The following ITFG1 variants were observed in gnomAD, a reference collection of about 807,000 sequenced individuals.
The protein encoded by ITFG1 is T-cell immunomodulatory protein.
Under a neutral mutation model 81.8 loss-of-function variants are expected in ITFG1, and 34 were observed. That is an observed-to-expected ratio of 0.42 (90% CI 0.32 to 0.55). ITFG1 has a LOEUF of 0.55. Among genes scored for constraint, ITFG1 ranks in the 20% least tolerant of loss-of-function variants. ITFG1 has a pLI of 0.17. For synonymous variants in ITFG1, 285 were observed against 270.6 expected (o/e 1.05, Z -0.52); for missense variants, 672 against 755.4 (o/e 0.89, Z 1.29).
intron 5 of ITFG1, among the ~76,000 whole-genome samples, chr16:47,443,590 C>G (rs1420511569): frequency 2.0e-5 from 3 of 152,106 alleles, no homozygotes; most frequent in Non-Finnish European, 4.4e-5. Flanking sequence ...GAGTTCATGT[C>G]CTTTGTGGGG....
intron 12 of ITFG1, among the ~76,000 whole-genome samples, chr16:47,247,949 T>C (rs1490403850): frequency 6.6e-6 from 1 of 152,208 alleles, no homozygotes; most frequent in African/African-American, 2.4e-5. Context: ...ATCCTCTCAA[T>C]GTCAGAAATG....
At chr16:47,378,860 A>C (rs1968360314) in intron 6 of ITFG1, among the ~76,000 whole-genome samples, 1 of 152,222 alleles carries the variant, frequency 6.6e-6, no homozygotes, top group Non-Finnish European at 1.5e-5. Context: ...TTAATCAATG[A>C]AGCAATAAAG....
At position 47,258,744 on chromosome 16, in the gene ITFG1, G is replaced by A; in HGVS notation, c.1222-4C>T. On this transcript the variant is annotated splice_region_variant and splice_polypyrimidine_tract_variant and intron_variant, in intron 11 of 17. Transcript: ENST00000320640. ...GCACTACAATGTCCAAGATTCCCTG[G>A]AAAAAAACAAACAAAAATGGTAAGA... 1.4e-6 allele frequency: 2 copies of A among 1,386,618 alleles called. No individual in the cohort carries two copies. The highest frequency in any genetic ancestry group is 9.7e-7 in the Non-Finnish European group (1 of 1,030,288). The allele number at this position is 1,386,618 out of a possible 1,614,324, so 85.9% of individuals were successfully genotyped here. A position where few individuals can be genotyped will look rare whatever the true frequency, so the allele number is the denominator to read the frequency against.
chr16:47,324,019 AAT>A (rs1438948072), intron 8 of ITFG1, among the ~76,000 whole-genome samples: 1 of 152,198 alleles, frequency 6.6e-6, no homozygotes, highest in Non-Finnish European at 1.5e-5. Context: ...ACCAAAAATA[AAT>A]ATGTGTATAT....
chr16:47,367,706 C>T (rs1335968938), intron 7 of ITFG1, among the ~76,000 whole-genome samples: 2 of 152,196 alleles, frequency 1.3e-5, no homozygotes, highest in African/African-American at 4.8e-5. Context: ...TTTCATGTGA[C>T]AAGCAATGTT....
At chr16:47,406,773 T>C (rs887835877) in intron 6 of ITFG1, among the ~76,000 whole-genome samples, 1 of 152,168 alleles carries the variant, frequency 6.6e-6, no homozygotes. Context: ...GTTTGAAAGT[T>C]GTGATTTTGA....
At chr16:47,404,277 T>A (rs1968700672) in intron 6 of ITFG1, among the ~76,000 whole-genome samples, 2 of 152,112 alleles carry the variant, frequency 1.3e-5, no homozygotes, top group South Asian at 4.1e-4. Flanking sequence ...CTTGATAAGT[T>A]AAAAGAAATA....
At chr16:47,401,490 T>C (rs1168005047) in intron 6 of ITFG1, among the ~76,000 whole-genome samples, 1 of 152,070 alleles carries the variant, frequency 6.6e-6, no homozygotes, top group Non-Finnish European at 1.5e-5. Flanking sequence ...TACCCACACT[T>C]ATGGGACATT....
intron 5 of ITFG1, among the ~76,000 whole-genome samples, chr16:47,436,364 TA>T (rs1042006758): frequency 6.6e-6 from 1 of 152,166 alleles, no homozygotes; most frequent in Admixed American, 6.5e-5. Flanking sequence ...TCTCAGCGTT[TA>T]AAAAAACTCC....
Position 47,181,470 on chromosome 16 carries a change from G to A in ITFG1, c.1454-18806C>T, listed in dbSNP as rs533707376. 1.7e-3 allele frequency among the ~76,000 whole-genome samples: 202 copies of A among 119,326 alleles called. 1 individual carries two copies. In the Middle Eastern group the frequency reaches 0.03, roughly 18 times the overall value. 78.3% of individuals were successfully genotyped at this position (119,326 alleles called of 152,430 possible). ...GGAGGTGGGGGGGGTCAGCCCCCCCGCCCGGCCAGCCGCCCCGTCCGGGAG... is the reference window on the plus strand; with the variant it reads ...GGAGGTGGGGGGGGTCAGCCCCCCCACCCGGCCAGCCGCCCCGTCCGGGAG... On this transcript the variant is annotated intron_variant, in intron 14 of 17. Coordinates refer to ENST00000320640, the MANE Select transcript of ITFG1 (RefSeq NM_030790.5).
chr16:47,334,981 A>G (rs1008755183), intron 8 of ITFG1, among the ~76,000 whole-genome samples: 4 of 152,236 alleles, frequency 2.6e-5, no homozygotes, highest in African/African-American at 9.6e-5. Context: ...GAATTCTTAG[A>G]TATGACATGA....
At chr16:47,179,346 G>C (rs1314631990) in intron 14 of ITFG1, among the ~76,000 whole-genome samples, 1 of 152,218 alleles carries the variant, frequency 6.6e-6, no homozygotes, top group African/African-American at 2.4e-5. Flanking sequence ...ATCAATGATA[G>C]ATTGGATTAA....
At chr16:47,202,914 G>A (rs865939533) in intron 14 of ITFG1, among the ~76,000 whole-genome samples, 5 of 152,256 alleles carry the variant, frequency 3.3e-5, no homozygotes, top group African/African-American at 9.6e-5. Context: ...ATAAAATGGT[G>A]TGTAGACCCA....
intron 6 of ITFG1, among the ~76,000 whole-genome samples, chr16:47,410,309 A>T (rs535366063): frequency 2.0e-5 from 3 of 152,244 alleles, no homozygotes; most frequent in South Asian, 2.1e-4. Flanking sequence ...AAAAATGGGC[A>T]AAGTATGTAG....
intron 13 of ITFG1, among the ~76,000 whole-genome samples, chr16:47,224,628 C>T (rs908758505): frequency 2.0e-5 from 3 of 151,714 alleles, no homozygotes; most frequent in Non-Finnish European, 4.4e-5. Flanking sequence ...CTGGAGTTGA[C>T]GTATAGTTAA....
chr16:47,435,599 C>T (rs1418336167), intron 5 of ITFG1, among the ~76,000 whole-genome samples: 1 of 152,220 alleles, frequency 6.6e-6, no homozygotes, highest in Non-Finnish European at 1.5e-5. Flanking sequence ...AACTGTTCTT[C>T]ATATGACTGC....
intron 5 of ITFG1, among the ~76,000 whole-genome samples, chr16:47,445,464 C>T (rs547714759): frequency 2.6e-5 from 4 of 152,070 alleles, no homozygotes; most frequent in Non-Finnish European, 5.9e-5. Context: ...AGTTGACATG[C>T]TTAAAATGAT....
chr16:47,307,235 G>A (rs1412779990), intron 10 of ITFG1, among the ~76,000 whole-genome samples: 2 of 150,466 alleles, frequency 1.3e-5, no homozygotes, highest in Admixed American at 6.6e-5. Flanking sequence ...AAATCATAAA[G>A]GAATGCAACT....
chr16:47,409,977 CAAG>C (rs892049065), intron 6 of ITFG1, among the ~76,000 whole-genome samples: 4 of 151,888 alleles, frequency 2.6e-5, no homozygotes, highest in African/African-American at 9.7e-5. Context: ...TATTAAAAGA[CAAG>C]AAAAAAACTC....
Sources: allele counts gnomAD v4.1 joint callset (sites outside exome capture counted in the v4.1 genomes callset), GRCh38; gene constraint gnomAD v4.1.1; transcripts MANE v1.5; gene names NCBI Gene and HGNC (gene_info 2026-07-23, HGNC 2026-07-21).